Variants in NRXN3 observed in about 807,000 individuals in gnomAD.
The protein encoded by NRXN3 is neurexin III.
NRXN3 carries 32 observed loss-of-function variants against 137.6 expected under a neutral mutation model. That is an observed-to-expected ratio of 0.23 (90% CI 0.18 to 0.31). NRXN3 has a LOEUF of 0.31. Among genes scored for constraint, NRXN3 ranks in the 10% least tolerant of loss-of-function variants. The pLI is 1.00. For missense variants in NRXN3, 1,574 were observed against 2,062.5 expected (o/e 0.76, Z 4.59); for synonymous variants, 798 against 784.5 (o/e 1.02, Z -0.29).
intron 4 of NRXN3, chr14:78,526,862 C>A: frequency 4.3e-6 from 2 of 463,314 alleles, no homozygotes; most frequent in Non-Finnish European, 8.6e-6. Context: ...ATCCAAGTCA[C>A]CCAGAAATAC....
At chr14:79,058,230 C>T (rs557404384) in intron 15 of NRXN3, among the ~76,000 whole-genome samples, 2 of 151,936 alleles carry the variant, frequency 1.3e-5, no homozygotes, top group Admixed American at 1.3e-4. Flanking sequence ...AGGTTGGAAA[C>T]CATTAAGCAG....
chr14:79,824,026 C>G (rs927244155), intron 20 of NRXN3: 4 of 377,890 alleles, frequency 1.1e-5, no homozygotes, highest in Non-Finnish European at 2.3e-5. Flanking sequence ...AGATGGAACA[C>G]GAAGTGGCTT....
At chr14:79,081,464 A>G (rs2046983499) in intron 15 of NRXN3, among the ~76,000 whole-genome samples, 1 of 152,110 alleles carries the variant, frequency 6.6e-6, no homozygotes, top group Non-Finnish European at 1.5e-5. Flanking sequence ...AATACAAAAA[A>G]GCAGCCAGGT....
intron 19 of NRXN3, among the ~76,000 whole-genome samples, chr14:79,734,514 T>C (rs2098935219): frequency 1.3e-5 from 2 of 152,200 alleles, no homozygotes; most frequent in Non-Finnish European, 2.9e-5. Context: ...TACATCATCT[T>C]CTCTATACAA....
At chr14:78,309,698 A>G (rs965841789) in intron 4 of NRXN3, among the ~76,000 whole-genome samples, 1 of 152,156 alleles carries the variant, frequency 6.6e-6, no homozygotes, top group Non-Finnish European at 1.5e-5. Context: ...ACCAAAATTT[A>G]TTTGACATGA....
In NRXN3 at chr14:79,307,747, G is replaced by A. The variant is rs118076667; in HGVS notation, c.3263-159474G>A. Among the ~76,000 whole-genome samples, 26 of 151,946 alleles carry A rather than the reference G, an allele frequency of 1.7e-4. No homozygotes were observed. In the East Asian group the frequency reaches 4.3e-3, roughly 25 times the overall value. ...ATAGATTAGTGCAGTCTTCACATGA[G>A]GTTTCATTTCACCTCTCTTTCTCTC... On this transcript the variant is annotated intron_variant, in intron 15 of 20. Coordinates refer to ENST00000335750, the MANE Select transcript of NRXN3 (RefSeq NM_001330195.2).
intron 16 of NRXN3, among the ~76,000 whole-genome samples, chr14:79,625,367 CAG>C (rs1567701058): frequency 6.6e-6 from 1 of 152,018 alleles, no homozygotes; most frequent in Non-Finnish European, 1.5e-5. Flanking sequence ...AACCAACTAT[CAG>C]GGGATGTTTG....
At chr14:78,771,725 CAA>C (rs1369029659) in intron 8 of NRXN3, among the ~76,000 whole-genome samples, 1 of 152,156 alleles carries the variant, frequency 6.6e-6, no homozygotes, top group Non-Finnish European at 1.5e-5. Flanking sequence ...AGGAAGAAGT[CAA>C]GTTTGTTTTT....
At chr14:78,238,305 A>G (rs1236803016) in intron 1 of NRXN3, among the ~76,000 whole-genome samples, 1 of 152,222 alleles carries the variant, frequency 6.6e-6, no homozygotes, top group Non-Finnish European at 1.5e-5. Flanking sequence ...CCCACACAAC[A>G]GAGAAGTGTT....
intron 4 of NRXN3, among the ~76,000 whole-genome samples, chr14:78,383,118 C>A (rs151242086): frequency 8.8e-4 from 134 of 152,272 alleles, no homozygotes; most frequent in African/African-American, 3.1e-3. Flanking sequence ...GGATAACCCT[C>A]CTACAAGTGA....
At chr14:79,153,539 G>A (rs182590643) in intron 15 of NRXN3, among the ~76,000 whole-genome samples, 1 of 151,804 alleles carries the variant, frequency 6.6e-6, no homozygotes, top group African/African-American at 2.4e-5. Context: ...TTCTTGTCCT[G>A]GGCCCTTTAA....
intron 15 of NRXN3, among the ~76,000 whole-genome samples, chr14:79,229,024 G>A (rs1482638414): frequency 6.6e-6 from 1 of 152,192 alleles, no homozygotes; most frequent in Admixed American, 6.5e-5. Flanking sequence ...AACCCAGAGA[G>A]GTTAAGGAAG....
intron 10 of NRXN3, among the ~76,000 whole-genome samples, chr14:78,814,283 G>T (rs950327296): frequency 2.0e-5 from 3 of 152,144 alleles, no homozygotes; most frequent in African/African-American, 7.2e-5. Context: ...CAGCCATCAT[G>T]GCGAATTGAA....
At chr14:79,676,127 T>C (rs1421792777) in intron 17 of NRXN3, among the ~76,000 whole-genome samples, 1 of 152,092 alleles carries the variant, frequency 6.6e-6, no homozygotes, top group African/African-American at 2.4e-5. Context: ...AGCTTCCTGC[T>C]TGAGCTTCAG....
chr14:79,288,484 AC>A (rs1566681504), intron 15 of NRXN3, among the ~76,000 whole-genome samples: 3 of 152,242 alleles, frequency 2.0e-5, no homozygotes, highest in Admixed American at 1.3e-4. Context: ...CAAATGCTTT[AC>A]ATATGTGACT....
intron 4 of NRXN3, among the ~76,000 whole-genome samples, chr14:78,416,567 A>G (rs895906227): frequency 6.6e-6 from 1 of 152,208 alleles, no homozygotes; most frequent in Non-Finnish European, 1.5e-5. Flanking sequence ...TAGTCATCTA[A>G]GTCACTCCCC....
chr14:79,086,171 C>T (rs1568239837), intron 15 of NRXN3, among the ~76,000 whole-genome samples: 1 of 152,052 alleles, frequency 6.6e-6, no homozygotes, highest in Non-Finnish European at 1.5e-5. Flanking sequence ...TGTCATCCTG[C>T]CACAGGGAAT....
chr14:78,500,046 G>A (rs892140992), intron 4 of NRXN3, among the ~76,000 whole-genome samples: 1 of 152,142 alleles, frequency 6.6e-6, no homozygotes. Context: ...AGGAGGTGGG[G>A]ACCATTGAGG....
At chr14:78,649,385 C>G in intron 5 of NRXN3, 1 of 490,310 alleles carries the variant, frequency 2.0e-6, no homozygotes, top group Non-Finnish European at 3.4e-6. Context: ...CCAACCCCCC[C>G]TTTTATCCTC....
Sources: gnomAD v4.1 joint callset for allele counts (sites outside exome capture counted in the v4.1 genomes callset) on GRCh38, gnomAD v4.1.1 for gene constraint, MANE v1.5 for transcripts, NCBI Gene and HGNC (gene_info 2026-07-23, HGNC 2026-07-21) for gene names.